The following NBAS variants were observed in gnomAD, a reference collection of about 807,000 sequenced individuals.
NBAS encodes NAG/BC035112 fusion.
In NBAS, 219 loss-of-function variants were observed where a neutral mutation model predicts 302.5. The ratio of observed to expected loss-of-function variants is 0.72; its 90% confidence interval spans 0.65 to 0.81. The LOEUF is 0.81. Among genes scored for constraint, NBAS ranks in the 30% least tolerant of loss-of-function variants. NBAS has a pLI of 0.00. For synonymous variants in NBAS, 1,118 were observed against 1,021.6 expected (o/e 1.09, Z -1.80); for missense variants, 2,932 against 2,841.6 (o/e 1.03, Z -0.72).
the NBAS span, among the ~76,000 whole-genome samples, chr2:14,891,819 G>A: frequency 1.3e-5 from 2 of 152,108 alleles, no homozygotes; most frequent in Non-Finnish European, 1.5e-5. Flanking sequence ...AGAGAATCTG[G>A]AGCTTTACTT....
At chr2:15,483,340 C>T (rs764544681) in intron 12 of NBAS, 2 of 437,936 alleles carry the variant, frequency 4.6e-6, no homozygotes, top group African/African-American at 2.1e-5. Flanking sequence ...ACTTACTCTT[C>T]ATTCATCTAC....
chr2:15,171,541 A>G (rs1259746866), intron 51 of NBAS, among the ~76,000 whole-genome samples: 3 of 152,186 alleles, frequency 2.0e-5, no homozygotes, highest in African/African-American at 7.2e-5. Flanking sequence ...AAGTTGTCTG[A>G]TATTACTGAA....
intron 28 of NBAS, among the ~76,000 whole-genome samples, chr2:15,389,239 A>G (rs1262235348): frequency 6.6e-6 from 1 of 152,232 alleles, no homozygotes; most frequent in Admixed American, 6.5e-5. Flanking sequence ...CCACAGTGGA[A>G]AACCAGCTTA....
chr2:15,007,517 G>C, the NBAS span, among the ~76,000 whole-genome samples: 1 of 152,096 alleles, frequency 6.6e-6, no homozygotes, highest in Non-Finnish European at 1.5e-5. Flanking sequence ...TTCTTGTGGA[G>C]CTTTTTTGTT....
At chr2:14,906,091 A>C in the NBAS span, among the ~76,000 whole-genome samples, 1 of 152,092 alleles carries the variant, frequency 6.6e-6, no homozygotes, top group Non-Finnish European at 1.5e-5. Context: ...CAGCAGTGGT[A>C]AGCAGCAGCA....
chr2:15,116,634 T>G, the NBAS span, among the ~76,000 whole-genome samples: 2,109 of 152,282 alleles, frequency 0.014, 27 homozygotes, highest in Non-Finnish European at 0.023. Context: ...AACAAGAGCA[T>G]TAGTAGCAAA....
At chr2:14,827,013 A>C in the NBAS span, among the ~76,000 whole-genome samples, 7 of 152,090 alleles carry the variant, frequency 4.6e-5, no homozygotes, top group Non-Finnish European at 1.0e-4. Context: ...GTCACATTGC[A>C]CCCAGAAGCA....
chr2:15,523,870 C>T lies in NBAS; in HGVS notation c.746+10673G>A, dbSNP rs142449293. On this transcript the variant is annotated intron_variant, in intron 9 of 51. Transcript: ENST00000281513. ...CAGATGTTGTAGTAAGCCGAGATCACGCCACTGCACTCCAGCCTGGGGAAC... is the reference window on the plus strand; with the variant it reads ...CAGATGTTGTAGTAAGCCGAGATCATGCCACTGCACTCCAGCCTGGGGAAC... Among the ~76,000 whole-genome samples the T allele has an allele frequency of 9.6e-3, 1,463 of 152,246 alleles. 30 individuals are homozygous for T. The highest frequency in any genetic ancestry group is 0.033 in the African/African-American group (1,389 of 41,538).
chr2:15,142,501 C>T, the NBAS span, among the ~76,000 whole-genome samples: 1 of 152,238 alleles, frequency 6.6e-6, no homozygotes, highest in Admixed American at 6.5e-5. Flanking sequence ...AAATGGTCGC[C>T]TCCGCAAGGC....
At chr2:15,078,150 G>A in the NBAS span, among the ~76,000 whole-genome samples, 1 of 152,190 alleles carries the variant, frequency 6.6e-6, no homozygotes, top group Non-Finnish European at 1.5e-5. Context: ...AGAGCACAGG[G>A]TGTCAGTAGA....
chr2:15,234,809 CA>C, intron 45 of NBAS, 62 bp from the exon 46 acceptor site: 1 of 1,511,794 alleles, frequency 6.6e-7, no homozygotes. Context: ...TCTACATGCA[CA>C]AAGTGAAACA....
chr2:14,974,598 C>T, the NBAS span, among the ~76,000 whole-genome samples: 8 of 152,270 alleles, frequency 5.3e-5, no homozygotes, highest in African/African-American at 1.7e-4. Context: ...TGTTAAAATG[C>T]TCATAAAGCT....
the NBAS span, among the ~76,000 whole-genome samples, chr2:14,819,158 G>A: frequency 6.6e-6 from 1 of 152,182 alleles, no homozygotes; most frequent in Non-Finnish European, 1.5e-5. Context: ...GAGTGACTTA[G>A]TGTTTATTTC....
At position 15,328,305 on chromosome 2, in the gene NBAS, T is replaced by G; in HGVS notation, c.4355A>C (p.Lys1452Thr). 6.2e-7 allele frequency: 1 copy of G among 1,613,426 alleles called. No homozygotes were observed. Residue 1452 changes from lysine to threonine, a missense_variant, in exon 37 of 52, where the codon AAA becomes ACA. Lys to Thr is a moderately conservative substitution (Grantham distance 78). Transcript: ENST00000281513. ...LTYLRPLQGQKCGGAYQIGTT... is the reference protein window; with the variant it reads ...LTYLRPLQGQTCGGAYQIGTT... ...TCCGATTTGATATGCACCACCACAT[T>G]TTTGCCCCTAAAAAGAAAAAAAGTA...
chr2:15,275,912 G>C, intron 43 of NBAS, 94 bp from the exon 44 acceptor site: 3 of 1,067,924 alleles, frequency 2.8e-6, no homozygotes, highest in Non-Finnish European at 4.2e-6. Context: ...CTATATGTCT[G>C]AACGCAAAGA....
chr2:15,186,699 G>A (rs200909346), intron 50 of NBAS, 43 bp downstream of exon 50: 2 of 1,613,174 alleles, frequency 1.2e-6, no homozygotes, highest in Non-Finnish European at 1.7e-6. Flanking sequence ...GTTCTGATAA[G>A]CAAAGGCCAC....
chr2:15,216,502 T>C (rs1666659798), intron 48 of NBAS, among the ~76,000 whole-genome samples: 1 of 152,176 alleles, frequency 6.6e-6, no homozygotes, highest in South Asian at 2.1e-4. Context: ...TTTAGAAAAG[T>C]GCTTGAGAAA....
the NBAS span, among the ~76,000 whole-genome samples, chr2:14,794,333 A>G: frequency 6.6e-6 from 1 of 152,300 alleles, no homozygotes; most frequent in East Asian, 1.9e-4. Context: ...GGTATATTTG[A>G]TACTTAACTA....
chr2:14,866,827 C>T, the NBAS span, among the ~76,000 whole-genome samples: 1 of 152,120 alleles, frequency 6.6e-6, no homozygotes, highest in Non-Finnish European at 1.5e-5. Context: ...CCATTTGAAC[C>T]ACAAAAAACA....
Sources: allele counts gnomAD v4.1 joint callset (sites outside exome capture counted in the v4.1 genomes callset), GRCh38; gene constraint gnomAD v4.1.1; transcripts MANE v1.5; gene names NCBI Gene and HGNC (gene_info 2026-07-23, HGNC 2026-07-21).